The following PCA3 variants were observed in gnomAD, a reference collection of about 807,000 sequenced individuals.
PCA3 encodes prostate cancer associated 3.
At chr9:76,778,571 A>G (rs2131138137) in intron 2 of PCA3, 1 of 152,310 alleles carries the variant, frequency 6.6e-6, no homozygotes, top group East Asian at 1.9e-4. Context: ...CTGGAGCTGA[A>G]GTTTAGCCCA....
intron 2 of PCA3, among the ~76,000 whole-genome samples, chr9:76,765,442 T>C (rs1051573070): frequency 1.3e-5 from 2 of 152,142 alleles, no homozygotes; most frequent in Non-Finnish European, 2.9e-5. Context: ...AATGGTGGGA[T>C]TATATACCTC....
In PCA3 at chr9:76,775,118, C is replaced by G. The variant is rs375398107; in HGVS notation, n.853-33465C>G. Among the ~76,000 whole-genome samples the G allele has an allele frequency of 2.7e-4, 41 of 152,248 alleles. 1 individual carries two copies. In the South Asian group the frequency reaches 8.3e-3, roughly 31 times the overall value. ...CTAAGCTGAACCGAATAGGACCAGA[C>G]AGAAAATCAAGTTTATTTGGTCGGG... On this transcript the variant is annotated intron_variant and non_coding_transcript_variant, in intron 2 of 5. Coordinates refer to ENST00000644657, the Ensembl canonical transcript of PCA3.
At chr9:76,771,625 T>C (rs1589132926) in intron 2 of PCA3, among the ~76,000 whole-genome samples, 1 of 152,170 alleles carries the variant, frequency 6.6e-6, no homozygotes, top group Non-Finnish European at 1.5e-5. Flanking sequence ...TGGCTGCAAA[T>C]TGTACACATC....
intron 2 of PCA3, among the ~76,000 whole-genome samples, chr9:76,772,392 A>G (rs1169766241): frequency 6.6e-6 from 1 of 152,152 alleles, no homozygotes; most frequent in Non-Finnish European, 1.5e-5. Flanking sequence ...CCACAGCAAT[A>G]CATAGGTTGG....
At position 76,768,307 on chromosome 9, in the gene PCA3, C is replaced by T. The variant is rs1208588600; in HGVS notation, n.852+31692C>T. 2.0e-5 allele frequency among the ~76,000 whole-genome samples: 3 copies of T among 152,174 alleles called. No individual in the cohort carries two copies. In the East Asian group the frequency reaches 5.8e-4, roughly 29 times the overall value. ...TCCTGGGTTCAAACAATTCTCCTAC[C>T]TCAGCCTCCCAAGTAGCTGGGATTA... On this transcript the variant is annotated intron_variant and non_coding_transcript_variant, in intron 2 of 5. Coordinates refer to ENST00000644657, the Ensembl canonical transcript of PCA3.
chr9:76,777,141 T>C (rs1242692394), intron 2 of PCA3, among the ~76,000 whole-genome samples: 1 of 151,516 alleles, frequency 6.6e-6, no homozygotes, highest in Non-Finnish European at 1.5e-5. Flanking sequence ...AGGAGAGAAG[T>C]GGGGGAGGGC....
At chr9:76,772,703 A>G (rs2053250649) in intron 2 of PCA3, among the ~76,000 whole-genome samples, 2 of 152,094 alleles carry the variant, frequency 1.3e-5, no homozygotes, top group South Asian at 4.1e-4. Context: ...AGCTGGGACT[A>G]TAGGCACACA....
At chr9:76,765,941 G>T (rs777529054) in intron 2 of PCA3, among the ~76,000 whole-genome samples, 12 of 152,120 alleles carry the variant, frequency 7.9e-5, no homozygotes, top group Non-Finnish European at 1.3e-4. Context: ...CCAGTACTTT[G>T]GGAGGCCAAG....
intron 2 of PCA3, among the ~76,000 whole-genome samples, chr9:76,768,251 G>A (rs1321262169): frequency 6.6e-6 from 1 of 151,970 alleles, no homozygotes; most frequent in Non-Finnish European, 1.5e-5. Context: ...GGAGTGCAGT[G>A]GTGCGATCTC....
At chr9:76,769,645 G>A (rs892976940) in intron 2 of PCA3, among the ~76,000 whole-genome samples, 1 of 152,148 alleles carries the variant, frequency 6.6e-6, no homozygotes, top group African/African-American at 2.4e-5. Context: ...GGCTGGACTC[G>A]AACTCCCGAC....
At chr9:76,766,860 C>A (rs2130847355) in intron 2 of PCA3, among the ~76,000 whole-genome samples, 1 of 152,290 alleles carries the variant, frequency 6.6e-6, no homozygotes, top group South Asian at 2.1e-4. Flanking sequence ...TCCAACCCTA[C>A]CACTGTCACT....
chr9:76,779,300 G>A (rs760322087), intron 2 of PCA3, among the ~76,000 whole-genome samples: 5 of 151,506 alleles, frequency 3.3e-5, no homozygotes, highest in Non-Finnish European at 5.9e-5. Context: ...AAATAGCAGT[G>A]AGTTCCACAT....
chr9:76,778,501 G>C (rs2054039030), intron 2 of PCA3: 1 of 152,226 alleles, frequency 6.6e-6, no homozygotes, highest in African/African-American at 2.4e-5. Context: ...AGACACAGGA[G>C]ATCAGTTGGA....
intron 2 of PCA3, among the ~76,000 whole-genome samples, chr9:76,776,533 T>C (rs2053780340): frequency 7.6e-6 from 1 of 131,812 alleles, no homozygotes. Flanking sequence ...TTTTTTTTTT[T>C]TGAGATGAGT....
intron 2 of PCA3, chr9:76,784,642 C>T (rs1402332387): frequency 6.6e-6 from 1 of 152,208 alleles, no homozygotes; most frequent in East Asian, 1.9e-4. Context: ...TAACATTACT[C>T]ATTTTGTTCA....
At chr9:76,775,464 T>C (rs2053632271) in intron 2 of PCA3, among the ~76,000 whole-genome samples, 1 of 135,496 alleles carries the variant, frequency 7.4e-6, no homozygotes, top group Non-Finnish European at 1.6e-5. Flanking sequence ...GCCCAGCTAA[T>C]TTTTGTGGTT....
At chr9:76,768,579 A>ATGTGTGTGTG (rs1491333441) in intron 2 of PCA3, among the ~76,000 whole-genome samples, 1 of 100,508 alleles carries the variant, frequency 9.9e-6, no homozygotes, top group African/African-American at 3.2e-5. Context: ...ATATATGTAT[A>ATGTGTGTGTG]TGTATGTGTG....
chr9:76,779,443 A>G (rs2054142072), intron 2 of PCA3, among the ~76,000 whole-genome samples: 1 of 152,174 alleles, frequency 6.6e-6, no homozygotes, highest in Non-Finnish European at 1.5e-5. Context: ...TCTATAGTAC[A>G]TCTTTCTTAT....
At chr9:76,774,729 G>T (rs1334246071) in intron 2 of PCA3, among the ~76,000 whole-genome samples, 2 of 152,056 alleles carry the variant, frequency 1.3e-5, no homozygotes, top group Non-Finnish European at 2.9e-5. Context: ...AAAGTGCTGG[G>T]ATTACAAGTG....
Sources: gnomAD v4.1 joint callset for allele counts (sites outside exome capture counted in the v4.1 genomes callset) on GRCh38, gnomAD v4.1.1 for gene constraint, MANE v1.5 for transcripts, NCBI Gene and HGNC (gene_info 2026-07-23, HGNC 2026-07-21) for gene names.